The following PARD3B variants were observed in gnomAD, a reference collection of about 807,000 sequenced individuals.
PARD3B encodes the protein par-3 family cell polarity regulator beta.
Under a neutral mutation model 130.2 loss-of-function variants are expected in PARD3B, and 103 were observed. The observed-to-expected ratio is 0.79, with a 90% CI of 0.67 to 0.93. The LOEUF (loss-of-function observed/expected upper bound fraction) is 0.93. Among genes scored for constraint, PARD3B ranks in the 40% least tolerant of loss-of-function variants. The pLI, the probability that PARD3B is intolerant of heterozygous loss-of-function variation, is 0.00. For missense variants in PARD3B, 1,609 were observed against 1,499.2 expected (o/e 1.07, Z -1.21); for synonymous variants, 583 against 553.2 (o/e 1.05, Z -0.76).
intron 3 of PARD3B, among the ~76,000 whole-genome samples, chr2:204,983,286 T>G (rs6732708): frequency 6.6e-6 from 1 of 152,148 alleles, no homozygotes; most frequent in Non-Finnish European, 1.5e-5. Context: ...TGAGTAAATA[T>G]AGTTGTTAAC....
chr2:205,496,560 G>T (rs1302614900), intron 20 of PARD3B, among the ~76,000 whole-genome samples: 3 of 152,032 alleles, frequency 2.0e-5, no homozygotes, highest in Non-Finnish European at 4.4e-5. Flanking sequence ...TTTTTCTCTT[G>T]GGCCAGATTT....
Position 205,550,773 on chromosome 2 carries a change from T to G in PARD3B, c.3181-2551T>G, listed in dbSNP as rs2052579890. On this transcript the variant is annotated intron_variant, in intron 21 of 22. Coordinates refer to ENST00000406610, the MANE Select transcript of PARD3B (RefSeq NM_001302769.2). The surrounding 1 kb of genome is among the most constrained non-coding windows in gnomAD (Gnocchi z 4.5). The stretch of plus-strand genomic sequence containing the variant: ...TGTATACTATATATAAATACATATA[T>G]GTATATACATGCAAATATACAAATA... 6.6e-6 allele frequency among the ~76,000 whole-genome samples: 1 copy of G among 150,900 alleles called. No homozygotes were observed. Among genetic ancestry groups the G allele is most frequent in the East Asian group, 1.9e-4 (1 of 5,148 alleles).
rs1553614659 is a variant in PARD3B, at chr2:205,104,621, T to A, written c.593+107T>A. The A allele has an allele frequency of 5.3e-6, 4 of 750,074 alleles. No homozygotes were observed. In the South Asian group the frequency reaches 5.6e-5, roughly 10 times the overall value. The allele number at this position is 750,074 out of a possible 1,614,324, so 46.5% of individuals were successfully genotyped here. The stretch of plus-strand genomic sequence containing the variant: ...ACAAGAAAGATCAGGATAAGTAGAA[T>A]CATGGAGTGCAACATGTCCCAAGTC... On this transcript the variant is annotated intron_variant, in intron 5 of 22. Transcript: ENST00000406610.
At chr2:205,073,916 G>A (rs1700888209) in intron 4 of PARD3B, among the ~76,000 whole-genome samples, 1 of 152,080 alleles carries the variant, frequency 6.6e-6, no homozygotes, top group Admixed American at 6.5e-5. Context: ...GCTGATTCTT[G>A]TGATATACAT....
intron 2 of PARD3B, among the ~76,000 whole-genome samples, chr2:204,865,280 GA>G (rs1316477471): frequency 6.6e-6 from 1 of 152,182 alleles, no homozygotes; most frequent in Non-Finnish European, 1.5e-5. Context: ...CATCTACCCA[GA>G]GGAAAAGAAG....
At chr2:204,759,264 T>A (rs2040802950) in intron 2 of PARD3B, among the ~76,000 whole-genome samples, 1 of 152,158 alleles carries the variant, frequency 6.6e-6, no homozygotes, top group Admixed American at 6.6e-5. Flanking sequence ...TTTTGTAGTG[T>A]TAATTTATTT....
intron 21 of PARD3B, among the ~76,000 whole-genome samples, chr2:205,502,876 A>G (rs989351692): frequency 2.6e-5 from 4 of 151,956 alleles, no homozygotes; most frequent in Admixed American, 6.6e-5. Flanking sequence ...TCTCAGACCA[A>G]CTTGTATGTA....
intron 22 of PARD3B, among the ~76,000 whole-genome samples, chr2:205,600,350 G>A (rs979656064): frequency 2.6e-5 from 4 of 152,124 alleles, no homozygotes; most frequent in African/African-American, 9.7e-5. Flanking sequence ...GTTTAATTTT[G>A]TACTCATAAG....
chr2:205,278,821 G>A (rs921728445), intron 16 of PARD3B, among the ~76,000 whole-genome samples: 14 of 152,028 alleles, frequency 9.2e-5, no homozygotes, highest in African/African-American at 3.4e-4. Context: ...TGTAATCCCA[G>A]CACTTTGGGA....
At chr2:204,875,466 G>A (rs1050456137) in intron 2 of PARD3B, among the ~76,000 whole-genome samples, 2 of 152,120 alleles carry the variant, frequency 1.3e-5, no homozygotes, top group Non-Finnish European at 2.9e-5. Context: ...GTGCTTTCAG[G>A]TCTCCTTGAT....
intron 1 of PARD3B, among the ~76,000 whole-genome samples, chr2:204,571,701 T>C (rs1307839277): frequency 1.3e-5 from 2 of 152,236 alleles, no homozygotes; most frequent in Non-Finnish European, 2.9e-5. Flanking sequence ...TTTAATCCAT[T>C]ATAATGCCTT....
At chr2:205,088,062 C>T (rs759293350) in intron 4 of PARD3B, among the ~76,000 whole-genome samples, 5 of 152,128 alleles carry the variant, frequency 3.3e-5, no homozygotes, top group African/African-American at 7.2e-5. Flanking sequence ...TTCTCAGAGA[C>T]AGGTAAATAG....
chr2:205,566,851 C>T (rs2053357552), intron 22 of PARD3B, among the ~76,000 whole-genome samples: 1 of 152,224 alleles, frequency 6.6e-6, no homozygotes, highest in Non-Finnish European at 1.5e-5. Flanking sequence ...GTGGCTGTGA[C>T]ATGCCTTCAC....
chr2:205,526,421 C>T (rs929444000), intron 21 of PARD3B, among the ~76,000 whole-genome samples: 2 of 152,098 alleles, frequency 1.3e-5, no homozygotes, highest in Non-Finnish European at 2.9e-5. Context: ...CCTTTGTGGC[C>T]CCTTTTTCTA....
chr2:205,504,564 CA>C (rs1476708067), intron 21 of PARD3B, among the ~76,000 whole-genome samples: 1 of 152,150 alleles, frequency 6.6e-6, no homozygotes, highest in Non-Finnish European at 1.5e-5. Context: ...ACAACCCCAT[CA>C]AAAAGTGGGT....
intron 2 of PARD3B, among the ~76,000 whole-genome samples, chr2:204,755,225 A>G (rs939155878): frequency 6.6e-6 from 1 of 152,134 alleles, no homozygotes. Flanking sequence ...AACTACGGAA[A>G]TGTGTGAATA....
At chr2:205,449,743 C>T (rs565179272) in intron 20 of PARD3B, among the ~76,000 whole-genome samples, 33 of 152,142 alleles carry the variant, frequency 2.2e-4, no homozygotes, top group Non-Finnish European at 3.7e-4. Context: ...AGTTAAGCAG[C>T]TTTTGTTTTC....
intron 21 of PARD3B, among the ~76,000 whole-genome samples, chr2:205,515,179 C>CT (rs71410820): frequency 0.42 from 64,061 of 151,960 alleles, 13,962 homozygotes; most frequent in Admixed American, 0.52. Flanking sequence ...TGATCTCATT[C>CT]TTTTTTACGG....
intron 16 of PARD3B, among the ~76,000 whole-genome samples, chr2:205,297,559 A>G (rs1255631314): frequency 6.6e-6 from 1 of 152,166 alleles, no homozygotes; most frequent in Non-Finnish European, 1.5e-5. Flanking sequence ...AGGAGCCCTC[A>G]AACATATGAA....
Sources: allele counts gnomAD v4.1 joint callset (sites outside exome capture counted in the v4.1 genomes callset), GRCh38; gene constraint gnomAD v4.1.1; non-coding constraint Gnocchi (gnomAD v3.1); transcripts MANE v1.5; gene names NCBI Gene and HGNC (gene_info 2026-07-23, HGNC 2026-07-21).